USP32: variants seen among roughly 807,000 people sequenced by gnomAD.
The protein encoded by USP32 is ubiquitin carboxyl-terminal hydrolase 32.
Under a neutral mutation model 204.8 loss-of-function variants are expected in USP32, and 59 were observed. The observed-to-expected ratio is 0.29, with a 90% CI of 0.23 to 0.36. The LOEUF is 0.36. Among genes scored for constraint, USP32 ranks in the 10% least tolerant of loss-of-function variants. The probability of loss-of-function intolerance (pLI) is 1.00; values close to 1 mark genes in which losing one functional copy is unlikely to be tolerated. For synonymous variants in USP32, 517 were observed against 678.4 expected, an observed-to-expected ratio of 0.76 and a Z score of 3.70; for missense variants, 1,160 against 1,946.4, an observed-to-expected ratio of 0.60 and a Z score of 7.60.
At chr17:60,219,259 A>C (rs1046630335) in intron 16 of USP32, among the ~76,000 whole-genome samples, 2 of 152,196 alleles carry the variant, frequency 1.3e-5, no homozygotes, top group African/African-American at 4.8e-5. Context: ...TACAAATTTG[A>C]GTGGAGTTGA....
At chr17:60,366,586 A>G (rs1438029682) in intron 1 of USP32, among the ~76,000 whole-genome samples, 1 of 151,994 alleles carries the variant, frequency 6.6e-6, no homozygotes, top group Non-Finnish European at 1.5e-5. Context: ...TAATGGTAAT[A>G]GTTCTTGGAC....
intron 11 of USP32, chr17:60,249,395 A>G (rs550725833): frequency 4.1e-6 from 1 of 246,884 alleles, no homozygotes; most frequent in South Asian, 9.0e-5. Flanking sequence ...GACATGAGAA[A>G]GCTTGCTAAG....
intron 26 of USP32, among the ~76,000 whole-genome samples, chr17:60,201,357 G>A (rs961932306): frequency 5.9e-5 from 9 of 152,072 alleles, no homozygotes; most frequent in African/African-American, 1.9e-4. Context: ...ATGGTGCTAC[G>A]AATATTCTTG....
At chr17:60,420,616 G>A (rs2090103964) in intron 1 of USP32, among the ~76,000 whole-genome samples, 1 of 152,172 alleles carries the variant, frequency 6.6e-6, no homozygotes, top group Non-Finnish European at 1.5e-5. Context: ...GCAGTGAGCC[G>A]AGATCACGCC....
chr17:60,329,266 A>G (rs755825780), intron 2 of USP32, among the ~76,000 whole-genome samples: 20 of 143,984 alleles, frequency 1.4e-4, no homozygotes, highest in Non-Finnish European at 2.8e-4. Flanking sequence ...TTGCCTGACA[A>G]TGTGTGTGTG....
At chr17:60,376,209 C>G (rs1489403652) in intron 1 of USP32, among the ~76,000 whole-genome samples, 2 of 151,866 alleles carry the variant, frequency 1.3e-5, no homozygotes, top group Non-Finnish European at 2.9e-5. Flanking sequence ...CTGAGCCCAA[C>G]TATAATCCGA....
chr17:60,279,815 C>T (rs2145819431), intron 5 of USP32, among the ~76,000 whole-genome samples: 1 of 150,776 alleles, frequency 6.6e-6, no homozygotes, highest in South Asian at 2.1e-4. Context: ...CCAGCCTGGG[C>T]AACAGAGCCA....
chr17:60,271,612 CA>C (rs1567818292), intron 5 of USP32, 131 bp from the exon 6 acceptor site: 1 of 903,674 alleles, frequency 1.1e-6, no homozygotes, highest in Non-Finnish European at 1.5e-6. Flanking sequence ...TAATCACGAC[CA>C]AAAACAAAAC....
rs146847764 is a variant in USP32, at chr17:60,342,504, C to T, written c.186+2977G>A. On this transcript the variant is annotated intron_variant, in intron 2 of 33. Coordinates refer to ENST00000300896, the MANE Select transcript of USP32 (RefSeq NM_032582.4). Reference sequence around the variant, plus strand: ...TTAAGTCTGCAGAAGTTGTCTGCTGCATTTTGTTCAGCTATGCCCTGCCCA... The same window carrying T: ...TTAAGTCTGCAGAAGTTGTCTGCTGTATTTTGTTCAGCTATGCCCTGCCCA... Among the ~76,000 whole-genome samples the T allele has an allele frequency of 5.3e-5, 8 of 152,360 alleles. No individual in the cohort carries two copies. In the East Asian group the frequency reaches 1.5e-3, roughly 29 times the overall value.
At chr17:60,193,945 A>G (rs2084448864) in intron 27 of USP32, among the ~76,000 whole-genome samples, 1 of 152,210 alleles carries the variant, frequency 6.6e-6, no homozygotes, top group African/African-American at 2.4e-5. Flanking sequence ...CACTCATAGA[A>G]AGCTGTGCAG....
intron 11 of USP32, among the ~76,000 whole-genome samples, chr17:60,239,324 T>C (rs2085815336): frequency 6.6e-6 from 1 of 152,222 alleles, no homozygotes; most frequent in Non-Finnish European, 1.5e-5. Flanking sequence ...TGGATCACTT[T>C]GTTTATCTTT....
At chr17:60,385,546 AAAAT>A (rs60002015) in intron 1 of USP32, among the ~76,000 whole-genome samples, 183 of 152,196 alleles carry the variant, frequency 1.2e-3, no homozygotes, top group African/African-American at 4.2e-3. Context: ...CTCTGTCTCA[AAAAT>A]AAATAAATAG....
chr17:60,329,026 G>C (rs2088312895), intron 2 of USP32, among the ~76,000 whole-genome samples: 1 of 152,152 alleles, frequency 6.6e-6, no homozygotes, highest in Admixed American at 6.5e-5. Flanking sequence ...AAAAAGCCCA[G>C]CGGGCCCAGA....
At chr17:60,389,922 C>T (rs1348395439) in intron 1 of USP32, among the ~76,000 whole-genome samples, 1 of 151,804 alleles carries the variant, frequency 6.6e-6, no homozygotes, top group African/African-American at 2.4e-5. Flanking sequence ...GAGGCTGAGG[C>T]AGGAGAATGG....
At chr17:60,401,382 A>G (rs1055379352) in intron 1 of USP32, among the ~76,000 whole-genome samples, 1 of 152,110 alleles carries the variant, frequency 6.6e-6, no homozygotes, top group Non-Finnish European at 1.5e-5. Context: ...TTAAAAAGAG[A>G]AAGAAAGAAA....
At chr17:60,345,736 C>G (rs1199301842) in intron 1 of USP32, 128 bp from the exon 2 acceptor site, 6 of 1,199,226 alleles carry the variant, frequency 5.0e-6, no homozygotes, top group Non-Finnish European at 7.1e-6. Flanking sequence ...AATCCCAGTA[C>G]TTTGGAAGGC....
chr17:60,304,158 G>A (rs762109678), intron 2 of USP32, among the ~76,000 whole-genome samples: 4 of 151,570 alleles, frequency 2.6e-5, no homozygotes, highest in Non-Finnish European at 5.9e-5. Context: ...AAAAGAAAAT[G>A]TTTAAGGCAG....
intron 2 of USP32, among the ~76,000 whole-genome samples, chr17:60,322,293 A>G (rs2088131489): frequency 6.6e-6 from 1 of 152,124 alleles, no homozygotes; most frequent in Non-Finnish European, 1.5e-5. Context: ...CTACACGAAC[A>G]TACCACTATG....
At chr17:60,404,039 C>CAA (rs76866814) in intron 1 of USP32, among the ~76,000 whole-genome samples, 8 of 101,532 alleles carry the variant, frequency 7.9e-5, no homozygotes, top group East Asian at 2.7e-4. Flanking sequence ...GACCCTGCCT[C>CAA]AAAAAAAAAA....
Sources: gnomAD v4.1 joint callset for allele counts (sites outside exome capture counted in the v4.1 genomes callset) on GRCh38, gnomAD v4.1.1 for gene constraint, MANE v1.5 for transcripts, NCBI Gene and HGNC (gene_info 2026-07-23, HGNC 2026-07-21) for gene names.